The following TRIO variants were observed in gnomAD, a reference collection of about 807,000 sequenced individuals.
TRIO encodes the protein trio Rho guanine nucleotide exchange factor.
In TRIO, 58 loss-of-function variants were observed where a neutral mutation model predicts 351.9. The observed-to-expected ratio is 0.16, with a 90% CI of 0.13 to 0.21. The LOEUF is 0.21. Ranked by LOEUF, TRIO falls within the 10% of genes least tolerant of loss-of-function variation. The pLI is 1.00. For synonymous variants in TRIO, 1,758 were observed against 1,595.7 expected (o/e 1.10, Z -2.42); for missense variants, 3,201 against 4,027.8 (o/e 0.79, Z 5.56).
intron 1 of TRIO, among the ~76,000 whole-genome samples, chr5:14,202,294 A>ATTTTTTTTTTTTTTTT (rs60827656): frequency 1.2e-4 from 4 of 33,534 alleles, no homozygotes; most frequent in Non-Finnish European, 1.8e-4. Flanking sequence ...TATTTTTGTG[A>ATTTTTTTTTTTTTTTT]TTTTTTTTTT....
At chr5:14,194,105 T>C (rs1790613836) in intron 1 of TRIO, among the ~76,000 whole-genome samples, 2 of 152,198 alleles carry the variant, frequency 1.3e-5, no homozygotes, top group African/African-American at 2.4e-5. Context: ...CACTCAAATG[T>C]TGAATATCCC....
intron 33 of TRIO, 84 bp from the exon 34 acceptor site, chr5:14,419,694 C>G: frequency 6.4e-7 from 1 of 1,561,130 alleles, no homozygotes; most frequent in Non-Finnish European, 8.7e-7. Flanking sequence ...TGGCAGGAAC[C>G]CACCTGGAGG....
At chr5:14,347,662 A>G (rs173948) in intron 11 of TRIO, among the ~76,000 whole-genome samples, 56,764 of 152,184 alleles carry the variant, frequency 0.37, 12,435 homozygotes, top group East Asian at 0.55. Context: ...TTGTTGCTGC[A>G]TTAAAAGCTT....
intron 34 of TRIO, among the ~76,000 whole-genome samples, chr5:14,428,982 A>G (rs1424934954): frequency 1.3e-5 from 2 of 152,266 alleles, no homozygotes; most frequent in South Asian, 2.1e-4. Context: ...CTCCTTTCTG[A>G]CATTTCCTAG....
rs755044126 is a variant in TRIO, at chr5:14,473,988, T to C, written c.5980-6T>C. 1.2e-6 allele frequency: 2 copies of C among 1,610,878 alleles called. No individual in the cohort carries two copies. The highest frequency in any genetic ancestry group is 2.2e-5 in the South Asian group (2 of 90,944). On this transcript the variant is annotated splice_polypyrimidine_tract_variant and splice_region_variant and intron_variant, in intron 39 of 56. Coordinates refer to ENST00000344204, the MANE Select transcript of TRIO (RefSeq NM_007118.4). ...AAATACACTTATCATAACTGTTTAA[T>C]TGTAGGGCTACATGGCACTTATGAA...
In TRIO at chr5:14,291,038, G is replaced by C; in HGVS notation, c.863G>C (p.Ser288Thr). ...EGQKLLQRIQ[S>T]SESFPKKNSG... ...CAGAAGCTGCTTCAGAGGATACAGA[G>C]CAGTGAAAGCTTTCCCAAAAAGAAC... Residue 288 changes from serine (S) to threonine (T), a missense_variant, in exon 5 of 57, where the codon AGC becomes ACC. Physicochemically the swap from Ser to Thr is moderately conservative, Grantham distance 58. Around this residue, in one of 19 missense-constraint regions of TRIO, gnomAD observed 349 missense variants for 449.3 expected, o/e 0.78. Transcript: ENST00000344204. The C allele has an allele frequency of 1.9e-6, 3 of 1,614,228 alleles. No homozygotes were observed. The highest frequency in any genetic ancestry group is 2.5e-6 in the Non-Finnish European group (3 of 1,180,046).
At chr5:14,222,598 C>T (rs1353723781) in intron 1 of TRIO, among the ~76,000 whole-genome samples, 1 of 152,226 alleles carries the variant, frequency 6.6e-6, no homozygotes, top group Non-Finnish European at 1.5e-5. Flanking sequence ...CAGCCCCTTC[C>T]AGACCTCTTT....
intron 47 of TRIO, 132 bp from the exon 48 acceptor site, chr5:14,487,332 G>A (rs1022816136): frequency 9.8e-7 from 1 of 1,018,738 alleles, no homozygotes; most frequent in Admixed American, 4.3e-5. Flanking sequence ...TCTCCTGATG[G>A]GTGGGGTTGC....
At chr5:14,381,095 A>G in intron 20 of TRIO, 35 bp from the exon 21 acceptor site, 1 of 1,600,628 alleles carries the variant, frequency 6.2e-7, no homozygotes, top group Middle Eastern at 1.7e-4. Flanking sequence ...AGGAATGTGT[A>G]GCCCTCTGAC....
At position 14,145,349 on chromosome 5, in the gene TRIO, C is replaced by A. The variant is rs558959745; in HGVS notation, c.157+1467C>A. Among the ~76,000 whole-genome samples the A allele has an allele frequency of 5.3e-5, 8 of 152,260 alleles. No individual in the cohort carries two copies. The South Asian group carries it at 1.7e-3, about 32-fold the overall frequency. ...CGGGGTTATTTTTGATTCATTTTAG[C>A]AGATTGGTTGTGGCTGGGAGTGACA... is the stretch of plus-strand genomic sequence containing the variant. On this transcript the variant is annotated intron_variant, in intron 1 of 56. Transcript: ENST00000344204.
Position 14,358,160 on chromosome 5 carries a change from C to A in TRIO, c.2047-18C>A, listed in dbSNP as rs749849461. On this transcript the variant is annotated intron_variant, in intron 11 of 56. Coordinates refer to ENST00000344204, the MANE Select transcript of TRIO (RefSeq NM_007118.4). ...GCAGCCAGGCCGGCCGGCCTCACCCCCCTCTCCCCTTCCCCAGCTGTGGAC... is the reference window on the plus strand; with the variant it reads ...GCAGCCAGGCCGGCCGGCCTCACCCACCTCTCCCCTTCCCCAGCTGTGGAC... 3.1e-6 allele frequency: 5 copies of A among 1,607,026 alleles called. No individual in the cohort carries two copies. Among genetic ancestry groups the A allele is most frequent in the African/African-American group, 2.7e-5 (2 of 74,790 alleles).
intron 11 of TRIO, among the ~76,000 whole-genome samples, chr5:14,356,399 T>C (rs114899800): frequency 0.026 from 3,938 of 152,272 alleles, 97 homozygotes; most frequent in Non-Finnish European, 0.033. Context: ...CATTAGTAAT[T>C]AGGGAATTGG....
At chr5:14,145,065 G>T (rs181684196) in intron 1 of TRIO, among the ~76,000 whole-genome samples, 2,312 of 152,202 alleles carry the variant, frequency 0.015, 48 homozygotes, top group African/African-American at 0.051. Context: ...TGGCGGCCTC[G>T]GGGAGGACGG....
rs754026270 is a variant in TRIO, at chr5:14,192,260, CT to C, written c.157+48389del. 5.2e-3 allele frequency among the ~76,000 whole-genome samples: 629 copies of C among 119,890 alleles called. 2 individuals carry two copies. Among genetic ancestry groups the C allele is most frequent in the Middle Eastern group, 0.02 (5 of 244 alleles). The allele number at this position is 119,890 out of a possible 152,430, so 78.7% of individuals were successfully genotyped here. ...CTTTATTCCCTTTTTTTTCCTTCTTCTTTTTTTTTTTCCCCCAAGAACAGAG... is the reference window on the plus strand; with the variant it reads ...CTTTATTCCCTTTTTTTTCCTTCTTCTTTTTTTTTTCCCCCAAGAACAGAG... On this transcript the variant is annotated intron_variant, in intron 1 of 56. Transcript: ENST00000344204.
intron 1 of TRIO, among the ~76,000 whole-genome samples, chr5:14,243,847 G>A (rs933830541): frequency 6.6e-5 from 10 of 152,188 alleles, no homozygotes; most frequent in Non-Finnish European, 4.4e-5. Flanking sequence ...ATCAAAGAGA[G>A]GGTATTTCTA....
At chr5:14,457,824 T>C (rs1339173841) in intron 34 of TRIO, among the ~76,000 whole-genome samples, 2 of 152,086 alleles carry the variant, frequency 1.3e-5, no homozygotes, top group Non-Finnish European at 2.9e-5. Context: ...CAAGTCTGGG[T>C]GGACAGAGGG....
Position 14,497,089 on chromosome 5 carries a change from T to A in TRIO, c.8019+72T>A, listed in dbSNP as rs1579833491. The A allele has an allele frequency of 1.3e-6, 2 of 1,573,954 alleles. No individual in the cohort carries two copies. The highest frequency in any genetic ancestry group is 4.6e-5 in the East Asian group (2 of 43,890). ...AAAGGATCAGGGAGGGCAGAGACTCTGCAGACCTGAAGCTGGGCTTGCTTA... is the reference window on the plus strand; with the variant it reads ...AAAGGATCAGGGAGGGCAGAGACTCAGCAGACCTGAAGCTGGGCTTGCTTA... On this transcript the variant is annotated intron_variant, in intron 50 of 56. Coordinates refer to ENST00000344204, the MANE Select transcript of TRIO (RefSeq NM_007118.4). The surrounding 1 kb of genome is among the most constrained non-coding windows in gnomAD (Gnocchi z 4.4).
intron 1 of TRIO, among the ~76,000 whole-genome samples, chr5:14,151,009 A>G (rs148991371): frequency 3.3e-5 from 5 of 152,174 alleles, no homozygotes; most frequent in African/African-American, 4.8e-5. Context: ...TCCCACTCCC[A>G]TGATTTGTGC....
At chr5:14,300,614 G>A (rs1341802251) in intron 7 of TRIO, among the ~76,000 whole-genome samples, 3 of 152,122 alleles carry the variant, frequency 2.0e-5, no homozygotes, top group Non-Finnish European at 4.4e-5. Flanking sequence ...TGTTTGTATA[G>A]TTCTTTAATA....
Sources: allele counts gnomAD v4.1 joint callset (sites outside exome capture counted in the v4.1 genomes callset), GRCh38; gene constraint gnomAD v4.1.1; regional missense constraint gnomAD v4.1.1; non-coding constraint Gnocchi (gnomAD v3.1); transcripts MANE v1.5; gene names NCBI Gene and HGNC (gene_info 2026-07-23, HGNC 2026-07-21).